Variants in TNS2 observed in about 807,000 individuals in gnomAD.
TNS2 encodes tensin 2, also known as tensin-2.
Under a neutral mutation model 155.7 loss-of-function variants are expected in TNS2, and 77 were observed. That is an observed-to-expected ratio of 0.49 (90% CI 0.41 to 0.60). The LOEUF is 0.60. Ranked by LOEUF, TNS2 falls within the 20% of genes least tolerant of loss-of-function variation. The pLI, the probability that TNS2 is intolerant of heterozygous loss-of-function variation, is 0.00. For missense variants in TNS2, 1,703 were observed against 1,868.8 expected, an observed-to-expected ratio of 0.91 and a Z score of 1.64; for synonymous variants, 726 against 763.9, an observed-to-expected ratio of 0.95 and a Z score of 0.82.
At chr12:53,052,161 G>C in intron 2 of TNS2, 198 bp downstream of exon 2, 1 of 611,380 alleles carries the variant, frequency 1.6e-6, no homozygotes, top group South Asian at 2.0e-5. Context: ...ACCCAGGAGA[G>C]CCAGTACTCT....
chr12:53,050,350 TCC>T lies in TNS2; in HGVS notation c.75+92_75+93del. ...GACCAGGAATCAGGCCAGGCCTTCT[TCC>T]CAATTTCAGCTTCCTCAGCCTTCTT... On this transcript the variant is annotated intron_variant, in intron 1 of 28. Coordinates refer to ENST00000314250, the MANE Select transcript of TNS2 (RefSeq NM_170754.4). The surrounding 1 kb of genome is among the most constrained non-coding windows in gnomAD (Gnocchi z 4.7). 2 of 1,411,386 alleles carry T rather than the reference TCC, an allele frequency of 1.4e-6. No individual in the cohort carries two copies. The highest frequency in any genetic ancestry group is 1.9e-6 in the Non-Finnish European group (2 of 1,052,776). 87.4% of individuals were successfully genotyped at this position (1,411,386 alleles called of 1,614,324 possible). A position where few individuals can be genotyped will look rare whatever the true frequency, so the allele number is the denominator to read the frequency against.
rs574290383 is a variant in TNS2 at position 53,060,006 on chromosome 12, T to A, written c.2365T>A (p.Tyr789Asn). The A allele has an allele frequency of 3.1e-6, 5 of 1,613,490 alleles. No homozygotes were observed. In the East Asian group the frequency reaches 8.9e-5, roughly 29 times the overall value. The change falls in exon 18 of 29, where the codon TAC becomes AAC. Residue 789 changes from tyrosine (Y) to asparagine (N), a missense_variant. By Grantham distance (143) the Tyr-to-Asn change is moderately radical. Transcript: ENST00000314250. This position sits in a 1 kb window ranked among gnomAD's most constrained non-coding sequence, Gnocchi z 6.1. ...GHPGYPALVT[Y>N]SYGGAVPSYC... The stretch of plus-strand genomic sequence containing the variant: ...TCCAGGGTACCCTGCCCTGGTGACA[T>A]ACAGCTATGGAGGAGCAGTTCCCAG...
intron 7 of TNS2, 122 bp downstream of exon 7, chr12:53,054,563 G>C: frequency 8.3e-7 from 1 of 1,201,576 alleles, no homozygotes; most frequent in Non-Finnish European, 1.1e-6. Context: ...AGAGTGGTGG[G>C]GTGGGGGCGG....
At chr12:53,047,258 C>T (rs950833099), upstream of TNS2, among the ~76,000 whole-genome samples, 128 of 145,084 alleles carry the variant, frequency 8.8e-4, no homozygotes, top group African/African-American at 2.4e-3. Flanking sequence ...CCACTGCCAC[C>T]GCCTCCTCCT....
chr12:53,055,726 G>T, intron 9 of TNS2, 36 bp downstream of exon 9: 1 of 1,614,210 alleles, frequency 6.2e-7, no homozygotes, highest in Non-Finnish European at 8.5e-7. Context: ...GTGCCTGGAG[G>T]TTCCAGGTCA....
In TNS2 at chr12:53,055,175, C is replaced by G. The variant is rs1225074771; in HGVS notation, c.523-11C>G. The G allele has an allele frequency of 2.5e-6, 4 of 1,613,912 alleles. No individual in the cohort carries two copies. The highest frequency in any genetic ancestry group is 1.7e-5 in the Admixed American group (1 of 59,980). Reference sequence around the variant, plus strand: ...ATCATTTCTGTCTAAAGCCCTCCCCCTTTATTTCAGCTCTTCAACCTTTCA... The same window carrying G: ...ATCATTTCTGTCTAAAGCCCTCCCCGTTTATTTCAGCTCTTCAACCTTTCA... On this transcript the variant is annotated splice_polypyrimidine_tract_variant and intron_variant, in intron 7 of 28. Transcript: ENST00000314250.
In TNS2 at chr12:53,050,152, G is replaced by A. The variant is rs749159593; in HGVS notation, c.-34G>A. ...CGGGCCAGGCCCCAGCATTGTTCAG[G>A]CCCTGGGGCCAGCACCCCAGCCAGC... is the stretch of plus-strand genomic sequence containing the variant. On this transcript the variant is annotated 5_prime_UTR_variant, in exon 1 of 29. Transcript: ENST00000314250. The surrounding 1 kb of genome is among the most constrained non-coding windows in gnomAD (Gnocchi z 4.7). The A allele has an allele frequency of 6.9e-6, 11 of 1,601,060 alleles. No homozygotes were observed. Among genetic ancestry groups the A allele is most frequent in the Middle Eastern group, 1.8e-4 (1 of 5,532 alleles).
chr12:53,048,360 G>A (rs550507983), upstream of TNS2, among the ~76,000 whole-genome samples: 429 of 152,334 alleles, frequency 2.8e-3, 3 homozygotes, highest in African/African-American at 0.01. Flanking sequence ...AGCCCCTATG[G>A]AGGCAGCAGG....
At chr12:53,048,391 G>A (rs1943804109), upstream of TNS2, among the ~76,000 whole-genome samples, 1 of 152,218 alleles carries the variant, frequency 6.6e-6, no homozygotes, top group Non-Finnish European at 1.5e-5. Context: ...ATGTAGAGGA[G>A]TCCTGGTCAG....
upstream of TNS2, among the ~76,000 whole-genome samples, chr12:53,047,294 G>A (rs941204569): frequency 2.6e-4 from 38 of 146,064 alleles, no homozygotes; most frequent in African/African-American, 6.6e-4. Context: ...GCGGGCACGG[G>A]CGGGATGGGC....
chr12:53,057,400 G>A (rs1285214805), intron 11 of TNS2, among the ~76,000 whole-genome samples, 167 bp from the exon 12 acceptor site: 1 of 152,144 alleles, frequency 6.6e-6, no homozygotes, highest in Non-Finnish European at 1.5e-5. Context: ...GCAGAGGGGA[G>A]CAGGAGGGAT....
chr12:53,062,329 C>T (rs770485583), intron 23 of TNS2, 47 bp from the exon 24 acceptor site: 12 of 1,612,620 alleles, frequency 7.4e-6, no homozygotes, highest in Middle Eastern at 1.7e-4. Flanking sequence ...AAGGGAAAGG[C>T]GGGGCACCCT....
rs73099910 is a variant in TNS2 at position 53,058,346 on chromosome 12, A to G, written c.1126A>G (p.Thr376Ala). ...VTCYHKGGRG[T>A]DRTLVFRVQF... Reference sequence around the variant, plus strand: ...ATGTTATCACAAGGGTGGCCGGGGCACAGACCGGACCCTCGTGTTCCGAGT... The same window carrying G: ...ATGTTATCACAAGGGTGGCCGGGGCGCAGACCGGACCCTCGTGTTCCGAGT... The change falls in exon 15 of 29, where the codon ACA (threonine) becomes GCA (alanine). Residue 376 changes from threonine to alanine, a missense_variant. Transcript: ENST00000314250. 1,251 of 1,614,158 alleles carry G rather than the reference A, an allele frequency of 7.8e-4. 1 individual carries two copies. The highest frequency in any genetic ancestry group is 1.0e-3 in the Non-Finnish European group (1,175 of 1,180,022).
Position 53,050,817 on chromosome 12 carries a change from G to A in TNS2, c.75+557G>A, listed in dbSNP as rs747329398. ...TGCAGGGACAGTCAAGAAACCAGAG[G>A]TGCTGCCCACATCCCCATCACTCCC... On this transcript the variant is annotated intron_variant, in intron 1 of 28. Transcript: ENST00000314250. The surrounding 1 kb of genome is among the most constrained non-coding windows in gnomAD (Gnocchi z 4.7). 1.3e-5 allele frequency among the ~76,000 whole-genome samples: 2 copies of A among 152,184 alleles called. No individual in the cohort carries two copies. The highest frequency in any genetic ancestry group is 2.9e-5 in the Non-Finnish European group (2 of 68,022).
Position 53,063,026 on chromosome 12 carries a change from A to C in TNS2, c.3824-63A>C. 9.0e-5 allele frequency: 134 copies of C among 1,494,966 alleles called. No homozygotes were observed. The highest frequency in any genetic ancestry group is 1.8e-4 in the Middle Eastern group (1 of 5,570). The allele number at this position is 1,494,966 out of a possible 1,614,324, so 92.6% of individuals were successfully genotyped here. ...GACAGCAGTAGCTGGGGAATGTGCA[A>C]GAGCTGGTGGGGGTGGCTAGGGGAT... On this transcript the variant is annotated intron_variant, in intron 25 of 28. Transcript: ENST00000314250. This position sits in a 1 kb window ranked among gnomAD's most constrained non-coding sequence, Gnocchi z 5.6.
chr12:53,050,026 C>A, upstream of TNS2: 1 of 1,457,414 alleles, frequency 6.9e-7, no homozygotes, highest in Non-Finnish European at 9.0e-7. This position sits in a 1 kb window ranked among gnomAD's most constrained non-coding sequence, Gnocchi z 4.7. Context: ...GCCTGCACTT[C>A]CCTCCACTTC....
upstream of TNS2, chr12:53,048,894 T>G: frequency 9.3e-6 from 3 of 321,624 alleles, no homozygotes; most frequent in South Asian, 1.5e-4. Flanking sequence ...GCTGGGGGAG[T>G]TGCCTGAGTA....
chr12:53,059,729 G>C lies in TNS2; in HGVS notation c.2088G>C (p.Lys696Asn). 6.2e-7 allele frequency: 1 copy of C among 1,613,032 alleles called. No homozygotes were observed. Among genetic ancestry groups the C allele is most frequent in the Non-Finnish European group, 8.5e-7 (1 of 1,179,876 alleles). ...ACCCATGCCCAGCCTGCGAGGAGAA[G>C]CTGGCGCTGCCTACAGCAGCCTTGT... Reference protein sequence around the residue: ...ALYPCPACEEKLALPTAALYG... With the variant: ...ALYPCPACEENLALPTAALYG... Residue 696 changes from lysine to asparagine, a missense_variant, in exon 18 of 29, where the codon AAG becomes AAC. Transcript: ENST00000314250. The surrounding 1 kb of genome is among the most constrained non-coding windows in gnomAD (Gnocchi z 4.7).
At chr12:53,062,027 G>C (rs898069513) in intron 22 of TNS2, 87 bp downstream of exon 22, 3 of 1,611,480 alleles carry the variant, frequency 1.9e-6, no homozygotes, top group Non-Finnish European at 2.5e-6. Flanking sequence ...GGGGTGCTGT[G>C]CTGGCCATGC....
Sources: allele counts gnomAD v4.1 joint callset (sites outside exome capture counted in the v4.1 genomes callset), GRCh38; gene constraint gnomAD v4.1.1; non-coding constraint Gnocchi (gnomAD v3.1); transcripts MANE v1.5; gene names NCBI Gene and HGNC (gene_info 2026-07-23, HGNC 2026-07-21).